Variants in CHRM5 observed in about 807,000 individuals in gnomAD.
CHRM5 encodes muscarinic acetylcholine receptor M5.
A neutral mutation model predicts 39.0 loss-of-function variants in CHRM5; 18 were observed. The observed-to-expected ratio is 0.46, with a 90% CI of 0.32 to 0.68. The LOEUF (loss-of-function observed/expected upper bound fraction) is 0.68. Ranked by LOEUF, CHRM5 falls within the 30% of genes least tolerant of loss-of-function variation. The probability of loss-of-function intolerance (pLI) is 0.04; values close to 1 mark genes in which losing one functional copy is unlikely to be tolerated. For synonymous variants in CHRM5, 241 were observed against 246.3 expected, an observed-to-expected ratio of 0.98 and a Z score of 0.20; for missense variants, 515 against 651.1, an observed-to-expected ratio of 0.79 and a Z score of 2.28.
chr15:34,038,584 G>C (rs1641148416), intron 1 of CHRM5, among the ~76,000 whole-genome samples: 1 of 150,010 alleles, frequency 6.7e-6, no homozygotes, highest in Non-Finnish European at 1.5e-5. Flanking sequence ...GGCCACGAGG[G>C]CCAAGCGCAT....
At chr15:34,015,411 G>C (rs970365778) in intron 1 of CHRM5, among the ~76,000 whole-genome samples, 3 of 152,088 alleles carry the variant, frequency 2.0e-5, no homozygotes, top group African/African-American at 7.2e-5. Context: ...GAACCCGGGA[G>C]GCGGAGCTTG....
At chr15:34,011,049 G>A (rs28510508) in intron 1 of CHRM5, among the ~76,000 whole-genome samples, 22,088 of 151,982 alleles carry the variant, frequency 0.15, 2,304 homozygotes, top group African/African-American at 0.29. Flanking sequence ...TGCTAGGGCC[G>A]GGCATGGTGG....
intron 1 of CHRM5, among the ~76,000 whole-genome samples, chr15:33,972,831 A>G (rs74778029): frequency 0.014 from 2,207 of 152,312 alleles, 52 homozygotes; most frequent in African/African-American, 0.05. Context: ...TCAGAGTATC[A>G]GTCATTTGTG....
intron 1 of CHRM5, among the ~76,000 whole-genome samples, chr15:34,025,704 G>C (rs747612858): frequency 6.6e-6 from 1 of 151,852 alleles, no homozygotes; most frequent in Non-Finnish European, 1.5e-5. Context: ...CCGCTCAAAG[G>C]TTCAGAAGAA....
intron 1 of CHRM5, among the ~76,000 whole-genome samples, chr15:33,983,154 G>GTA (rs1555512743): frequency 5.7e-4 from 64 of 111,754 alleles, no homozygotes; most frequent in Admixed American, 1.6e-3. Flanking sequence ...GTGTGTGTGT[G>GTA]TGTGTATGTG....
chr15:34,031,261 G>A lies in CHRM5; in HGVS notation c.-407-15279G>A, dbSNP rs545707845. On this transcript the variant is annotated intron_variant, in intron 1 of 2. Transcript: ENST00000383263. Reference sequence around the variant, plus strand: ...GCGATCTCAGCTCACTGCAACCTCCGCCTCCCGGGTTCAAGCGATTCTCCT... The same window carrying A: ...GCGATCTCAGCTCACTGCAACCTCCACCTCCCGGGTTCAAGCGATTCTCCT... 3.8e-3 allele frequency among the ~76,000 whole-genome samples: 490 copies of A among 128,546 alleles called. 2 individuals carry two copies. The highest frequency in any genetic ancestry group is 0.014 in the African/African-American group (466 of 33,894). The allele number at this position is 128,546 out of a possible 152,430, so 84.3% of individuals were successfully genotyped here. A position where few individuals can be genotyped will look rare whatever the true frequency, so the allele number is the denominator to read the frequency against.
At chr15:34,016,174 C>T (rs557924607) in intron 1 of CHRM5, among the ~76,000 whole-genome samples, 85 of 152,266 alleles carry the variant, frequency 5.6e-4, no homozygotes, top group African/African-American at 2.0e-3. Flanking sequence ...TACTCGGTTA[C>T]AGTGAGCCAA....
intron 1 of CHRM5, among the ~76,000 whole-genome samples, chr15:33,983,142 G>GTGTGTGTGTGTGTGTA (rs1567447376): frequency 1.7e-5 from 2 of 115,620 alleles, no homozygotes; most frequent in African/African-American, 9.2e-5. Flanking sequence ...GTGTGTGTGT[G>GTGTGTGTGTGTGTGTA]TGTGTGTGTG....
chr15:33,992,534 A>T, intron 1 of CHRM5, among the ~76,000 whole-genome samples: 1 of 152,242 alleles, frequency 6.6e-6, no homozygotes, highest in East Asian at 1.9e-4. Flanking sequence ...CAGCCAGAAC[A>T]AATTTTTTAA....
chr15:34,001,386 A>G (rs1335740441), intron 1 of CHRM5, among the ~76,000 whole-genome samples: 1 of 152,190 alleles, frequency 6.6e-6, no homozygotes, highest in Non-Finnish European at 1.5e-5. Context: ...AGATACTAGT[A>G]ACTGACTACA....
chr15:34,045,678 A>G (rs1313101386), intron 1 of CHRM5, among the ~76,000 whole-genome samples: 1 of 152,194 alleles, frequency 6.6e-6, no homozygotes, highest in Non-Finnish European at 1.5e-5. Flanking sequence ...TAACAAGGAC[A>G]GGTTCAGGCA....
chr15:34,038,924 T>G (rs1278945833), intron 1 of CHRM5: 1 of 718,154 alleles, frequency 1.4e-6, no homozygotes, highest in South Asian at 5.1e-5. Context: ...CGCCGCCGCC[T>G]CCGCCGCCGC....
chr15:34,013,518 C>T (rs1461093308), intron 1 of CHRM5, among the ~76,000 whole-genome samples: 1 of 152,212 alleles, frequency 6.6e-6, no homozygotes, highest in African/African-American at 2.4e-5. Flanking sequence ...CCTTGCACCA[C>T]TAAATTGCCA....
chr15:33,997,251 A>G (rs894278530), intron 1 of CHRM5, among the ~76,000 whole-genome samples: 6 of 152,212 alleles, frequency 3.9e-5, no homozygotes, highest in Non-Finnish European at 7.3e-5. Context: ...AGTGAATCTC[A>G]TATCAGGAGA....
At chr15:34,039,811 G>A (rs1235372135) in intron 1 of CHRM5, among the ~76,000 whole-genome samples, 1 of 152,186 alleles carries the variant, frequency 6.6e-6, no homozygotes, top group Non-Finnish European at 1.5e-5. Context: ...TTATTCTGCA[G>A]TGAGGTAACA....
In CHRM5 at chr15:33,986,309, C is replaced by T. The variant is rs1896464660; in HGVS notation, c.-408+17159C>T. 2.0e-5 allele frequency among the ~76,000 whole-genome samples: 3 copies of T among 151,862 alleles called. 1 individual carries two copies. Among genetic ancestry groups the T allele is most frequent in the South Asian group, 4.2e-4 (2 of 4,748 alleles). On this transcript the variant is annotated intron_variant, in intron 1 of 2. Transcript: ENST00000383263. ...TATTTTTAGTAGAAACGGGGTTTCA[C>T]CATGTTAGCCAGGATGGTCTCGATC...
At chr15:34,024,925 G>A (rs531049044) in intron 1 of CHRM5, among the ~76,000 whole-genome samples, 17 of 151,926 alleles carry the variant, frequency 1.1e-4, no homozygotes, top group Middle Eastern at 3.4e-3. Flanking sequence ...GCTCACACCT[G>A]TAATCCTAGC....
At chr15:34,027,722 T>A (rs2632077) in intron 1 of CHRM5, among the ~76,000 whole-genome samples, 138,533 of 151,728 alleles carry the variant, frequency 0.91, 64,368 homozygotes, top group Non-Finnish European at 1. Context: ...ACCAGACTCA[T>A]TTCACTCTGT....
rs141935856 is a variant in CHRM5 at position 34,030,527 on chromosome 15, T to C, written c.-407-16013T>C. On this transcript the variant is annotated intron_variant, in intron 1 of 2. Transcript: ENST00000383263. ...CGCCCGGCTAATTTTTTTGTATTTT[T>C]AGTAGAGACAGGGTTTCATTGTGTT... is the stretch of plus-strand genomic sequence containing the variant. 3.7e-4 allele frequency among the ~76,000 whole-genome samples: 57 copies of C among 152,150 alleles called. No homozygotes were observed. The East Asian group carries it at 0.01, about 28-fold the overall frequency.
Sources: gnomAD v4.1 joint callset for allele counts (sites outside exome capture counted in the v4.1 genomes callset) on GRCh38, gnomAD v4.1.1 for gene constraint, MANE v1.5 for transcripts, NCBI Gene and HGNC (gene_info 2026-07-23, HGNC 2026-07-21) for gene names.